The following NAV3 variants were observed in gnomAD, a reference collection of about 807,000 sequenced individuals.
NAV3 encodes the protein neuron navigator 3.
NAV3 carries 87 observed loss-of-function variants against 244.7 expected under a neutral mutation model. The ratio of observed to expected loss-of-function variants is 0.36; its 90% CI spans 0.30 to 0.42. The LOEUF (loss-of-function observed/expected upper bound fraction) is 0.42. Among genes scored for constraint, NAV3 ranks in the 20% least tolerant of loss-of-function variants. The pLI, the probability that NAV3 is intolerant of heterozygous loss-of-function variation, is 1.00. For missense variants in NAV3, 2,663 were observed against 2,893.3 expected (o/e 0.92, Z 1.83); for synonymous variants, 1,126 against 1,042.2 (o/e 1.08, Z -1.55).
chr12:77,686,396 T>A (rs1438593937), intron 2 of NAV3, among the ~76,000 whole-genome samples: 2 of 147,942 alleles, frequency 1.4e-5, no homozygotes, highest in Admixed American at 1.4e-4. Flanking sequence ...CCCCACCGGA[T>A]TTTTTCTTTT....
At chr12:78,069,830 A>G (rs1952664793) in intron 12 of NAV3, among the ~76,000 whole-genome samples, 1 of 152,052 alleles carries the variant, frequency 6.6e-6, no homozygotes, top group Non-Finnish European at 1.5e-5. Flanking sequence ...ATATATATAC[A>G]TACACATTTG....
intron 1 of NAV3, among the ~76,000 whole-genome samples, chr12:77,883,548 A>T (rs528373219): frequency 6.6e-6 from 1 of 152,102 alleles, no homozygotes; most frequent in Non-Finnish European, 1.5e-5. Flanking sequence ...TGGAATATAC[A>T]CATGTAACAA....
intron 12 of NAV3, among the ~76,000 whole-genome samples, chr12:78,075,974 C>T (rs781686610): frequency 7.9e-5 from 12 of 152,144 alleles, no homozygotes; most frequent in African/African-American, 1.4e-4. Flanking sequence ...GAAACAATCA[C>T]GGAAGCCAAA....
rs551387999 is a variant in NAV3, at chr12:78,208,305, C to G, written c.7039-2093C>G. On this transcript the variant is annotated intron_variant, in intron 39 of 39. Transcript: ENST00000397909. ...GACCCCTAACCAGAATGCCATTAATCTGTTCATGAGGAATCCACCCCCATG... is the reference window on the plus strand; with the variant it reads ...GACCCCTAACCAGAATGCCATTAATGTGTTCATGAGGAATCCACCCCCATG... 1.4e-4 allele frequency among the ~76,000 whole-genome samples: 22 copies of G among 152,214 alleles called. No individual in the cohort carries two copies. The South Asian group carries it at 4.6e-3, about 32-fold the overall frequency.
At chr12:78,046,250 G>A (rs1881777590) in intron 9 of NAV3, among the ~76,000 whole-genome samples, 1 of 152,082 alleles carries the variant, frequency 6.6e-6, no homozygotes, top group Admixed American at 6.6e-5. Flanking sequence ...TCTGATCTTA[G>A]TTATTTCTTG....
intron 2 of NAV3, among the ~76,000 whole-genome samples, chr12:77,670,477 A>C (rs1048440375): frequency 6.6e-6 from 1 of 152,096 alleles, no homozygotes; most frequent in Non-Finnish European, 1.5e-5. Flanking sequence ...CTAGGGAAAG[A>C]CAGCAAAAAA....
chr12:77,724,680 A>T (rs1565787662), intron 2 of NAV3, among the ~76,000 whole-genome samples: 1 of 151,890 alleles, frequency 6.6e-6, no homozygotes. Flanking sequence ...AGGTTTTCAT[A>T]TGGTATCAAT....
intron 20 of NAV3, among the ~76,000 whole-genome samples, chr12:78,145,409 G>C (rs917404905): frequency 1.3e-5 from 2 of 152,148 alleles, no homozygotes; most frequent in African/African-American, 4.8e-5. Context: ...AAACAGTTCA[G>C]GTAGTTTTGT....
At chr12:78,086,374 GA>G (rs1413708883) in intron 12 of NAV3, among the ~76,000 whole-genome samples, 1 of 152,000 alleles carries the variant, frequency 6.6e-6, no homozygotes, top group Non-Finnish European at 1.5e-5. Flanking sequence ...GCAATTATGT[GA>G]AAAATGCAAA....
intron 1 of NAV3, among the ~76,000 whole-genome samples, chr12:77,848,383 G>A (rs1185066244): frequency 6.6e-6 from 1 of 152,198 alleles, no homozygotes; most frequent in East Asian, 1.9e-4. Context: ...AAAATAACAA[G>A]ACTGCTCTGG....
chr12:77,814,975 T>C (rs1332066959), intron 2 of NAV3, among the ~76,000 whole-genome samples: 1 of 152,164 alleles, frequency 6.6e-6, no homozygotes, highest in East Asian at 1.9e-4. Context: ...TTGGCACTGT[T>C]CATGGAGGAA....
chr12:78,090,900 A>C (rs980651631), intron 12 of NAV3, among the ~76,000 whole-genome samples: 2 of 151,006 alleles, frequency 1.3e-5, no homozygotes, highest in Admixed American at 1.3e-4. Context: ...GTAAAAGTGA[A>C]AGATGAATGG....
chr12:78,006,821 G>A lies in NAV3; in HGVS notation c.1283G>A (p.Ser428Asn), dbSNP rs761077508. The change falls in exon 8 of 40, where the codon AGT becomes AAT. Residue 428 changes from serine (S) to asparagine (N), a missense_variant. Around this residue, in one of 6 missense-constraint regions of NAV3, gnomAD observed 1,521 missense variants for 1,497.0 expected, o/e 1.02. Transcript: ENST00000397909. ...SESGEMEGFNSGLNSGGSTNS... is the reference protein window; with the variant it reads ...SESGEMEGFNNGLNSGGSTNS... ...TCTGGTGAAATGGAAGGTTTTAACA[G>A]TGGTCTGAATAGTGGTGGCTCAACA... 47 of 1,614,066 alleles carry A rather than the reference G, an allele frequency of 2.9e-5. No individual in the cohort carries two copies. The South Asian group carries it at 5.1e-4, about 17-fold the overall frequency.
rs145008112 is a variant in NAV3, at chr12:77,957,198, A to C, written c.415-9031A>C. On this transcript the variant is annotated intron_variant, in intron 3 of 39. Transcript: ENST00000397909. The stretch of plus-strand genomic sequence containing the variant: ...ATGCCTTGCATTATGACAATTTATA[A>C]ATCTTTTCTGTCTCCTCAGCTATTT... Among the ~76,000 whole-genome samples, 89 of 152,276 alleles carry C rather than the reference A, an allele frequency of 5.8e-4. 1 individual carries two copies. The highest frequency in any genetic ancestry group is 2.0e-3 in the African/African-American group (84 of 41,548).
chr12:77,826,436 G>A (rs1196579404), upstream of NAV3, among the ~76,000 whole-genome samples: 1 of 151,040 alleles, frequency 6.6e-6, no homozygotes, highest in African/African-American at 2.4e-5. Flanking sequence ...AAGTTGTAGT[G>A]AGCCGAGATC....
At chr12:77,993,752 C>T (rs1304484462) in intron 5 of NAV3, among the ~76,000 whole-genome samples, 1 of 152,138 alleles carries the variant, frequency 6.6e-6, no homozygotes, top group Non-Finnish European at 1.5e-5. Context: ...TCAACTACAT[C>T]AGGACTCCAA....
intron 2 of NAV3, among the ~76,000 whole-genome samples, chr12:77,682,453 G>A (rs568013878): frequency 6.6e-6 from 1 of 152,282 alleles, no homozygotes; most frequent in African/African-American, 2.4e-5. Context: ...GAATAATGCT[G>A]CAATGGACAT....
At chr12:78,043,629 C>A (rs9705581) in intron 9 of NAV3, among the ~76,000 whole-genome samples, 1 of 151,976 alleles carries the variant, frequency 6.6e-6, no homozygotes, top group African/African-American at 2.4e-5. Context: ...CCATTCTAAC[C>A]GGCGTGAGAT....
At chr12:77,778,799 T>C (rs560564928) in intron 2 of NAV3, among the ~76,000 whole-genome samples, 2 of 152,250 alleles carry the variant, frequency 1.3e-5, no homozygotes, top group South Asian at 4.1e-4. Flanking sequence ...ACATCAAGTA[T>C]TCTCTTTGGT....
Sources: allele counts gnomAD v4.1 joint callset (sites outside exome capture counted in the v4.1 genomes callset), GRCh38; gene constraint gnomAD v4.1.1; regional missense constraint gnomAD v4.1.1; transcripts MANE v1.5; gene names NCBI Gene and HGNC (gene_info 2026-07-23, HGNC 2026-07-21).